ERBIN: variants seen among roughly 807,000 people sequenced by gnomAD.
The protein encoded by ERBIN is densin-180-like protein.
Under a neutral mutation model 158.4 loss-of-function variants are expected in ERBIN, and 60 were observed. That is an observed-to-expected ratio of 0.38 (90% CI 0.31 to 0.47). The LOEUF (loss-of-function observed/expected upper bound fraction) is 0.47. Among genes scored for constraint, ERBIN ranks in the 20% least tolerant of loss-of-function variants. The probability of loss-of-function intolerance (pLI) is 0.99; values close to 1 mark genes in which losing one functional copy is unlikely to be tolerated. For synonymous variants in ERBIN, 594 were observed against 557.2 expected (o/e 1.07, Z -0.93); for missense variants, 1,610 against 1,648.0 (o/e 0.98, Z 0.40).
At chr5:65,958,067 C>G (rs980305658) in intron 1 of ERBIN, among the ~76,000 whole-genome samples, 47 of 151,330 alleles carry the variant, frequency 3.1e-4, no homozygotes, top group Non-Finnish European at 5.9e-4. Flanking sequence ...CGATGGGCGG[C>G]AGGGCAGAGA....
rs374758790 is a variant in ERBIN at position 65,945,546 on chromosome 5, A to G, written c.-58+18740A>G. Reference sequence around the variant, plus strand: ...GTCCATGTTGCCTGCCGTATTTCAAACACTGCACCCTTTTCCTCCTCTCTC... The same window carrying G: ...GTCCATGTTGCCTGCCGTATTTCAAGCACTGCACCCTTTTCCTCCTCTCTC... On this transcript the variant is annotated intron_variant, in intron 1 of 25. Transcript: ENST00000284037. Among the ~76,000 whole-genome samples the G allele has an allele frequency of 9.2e-5, 14 of 152,290 alleles. No individual in the cohort carries two copies. In the South Asian group the frequency reaches 1.7e-3, roughly 18 times the overall value.
chr5:66,042,313 AT>A (rs1439780201), intron 15 of ERBIN, among the ~76,000 whole-genome samples: 1 of 152,018 alleles, frequency 6.6e-6, no homozygotes, highest in African/African-American at 2.4e-5. Flanking sequence ...AGCCTTATGT[AT>A]TTTTTAGATG....
intron 1 of ERBIN, among the ~76,000 whole-genome samples, chr5:65,964,379 A>C (rs1748288251): frequency 6.6e-6 from 1 of 152,176 alleles, no homozygotes; most frequent in South Asian, 2.1e-4. Flanking sequence ...ACAATATTGG[A>C]ATCACCTGGA....
intron 9 of ERBIN, 55 bp from the exon 10 acceptor site, chr5:66,024,239 ATTCCCTAAACTT>A (rs1471789110): frequency 9.1e-7 from 1 of 1,099,442 alleles, no homozygotes; most frequent in African/African-American, 1.6e-5. Flanking sequence ...TATCAAGTTT[ATTCCCTAAACTT>A]TTTACAAATT....
At chr5:65,926,989 T>G in intron 1 of ERBIN, among the ~76,000 whole-genome samples, 183 bp downstream of exon 1, 2 of 149,340 alleles carry the variant, frequency 1.3e-5, no homozygotes, top group South Asian at 2.2e-4. Flanking sequence ...GCGTCCCTTC[T>G]CCCCCCTGCC....
At chr5:65,937,684 G>T (rs1426166031) in intron 1 of ERBIN, among the ~76,000 whole-genome samples, 2 of 152,076 alleles carry the variant, frequency 1.3e-5, no homozygotes, top group Non-Finnish European at 1.5e-5. Flanking sequence ...CGAGGCGGGC[G>T]GATCACGAGG....
intron 2 of ERBIN, among the ~76,000 whole-genome samples, chr5:65,992,457 G>C (rs1751981149): frequency 6.6e-6 from 1 of 152,166 alleles, no homozygotes; most frequent in African/African-American, 2.4e-5. Context: ...TCAAAGCACA[G>C]TTTTTGAAGA....
rs1755115864 is a variant in ERBIN, at chr5:66,018,482, ATATATTATATT to A, written c.534-2839_534-2829del. Among the ~76,000 whole-genome samples, 9 of 13,468 alleles carry A rather than the reference ATATATTATATT, an allele frequency of 6.7e-4. 3 individuals are homozygous for A. The highest frequency in any genetic ancestry group is 3.2e-3 in the African/African-American group (8 of 2,492). The allele number at this position is 13,468 out of a possible 152,430, so 8.8% of individuals were successfully genotyped here. A position where few individuals can be genotyped will look rare whatever the true frequency, so the allele number is the denominator to read the frequency against. ...TATTATATAATATATATTATATATT[ATATATTATATT>A]ATATAATATATATTATATATTATAT... On this transcript the variant is annotated intron_variant, in intron 7 of 25. Transcript: ENST00000284037.
intron 1 of ERBIN, among the ~76,000 whole-genome samples, chr5:65,936,925 A>T (rs1328786671): frequency 1.3e-5 from 2 of 152,144 alleles, no homozygotes; most frequent in African/African-American, 4.8e-5. Context: ...ATATAAAATT[A>T]CCTGTATGCA....
chr5:65,956,978 T>A (rs936620860), intron 1 of ERBIN, among the ~76,000 whole-genome samples: 17 of 151,010 alleles, frequency 1.1e-4, no homozygotes, highest in African/African-American at 4.0e-4. Flanking sequence ...CATGCTGCTA[T>A]TTGTGTATGG....
chr5:65,955,717 A>G (rs190851289), intron 1 of ERBIN, among the ~76,000 whole-genome samples: 57 of 152,384 alleles, frequency 3.7e-4, no homozygotes, highest in Non-Finnish European at 7.5e-4. Context: ...TCTTCAGGTC[A>G]GTAAGTTGTT....
intron 1 of ERBIN, among the ~76,000 whole-genome samples, chr5:65,961,788 G>A (rs972314705): frequency 4.6e-5 from 7 of 152,032 alleles, no homozygotes; most frequent in African/African-American, 1.7e-4. Flanking sequence ...ATGAATTTTA[G>A]GTATCTTTGG....
chr5:65,959,356 G>C (rs1747659729), intron 1 of ERBIN, among the ~76,000 whole-genome samples: 1 of 151,906 alleles, frequency 6.6e-6, no homozygotes, highest in South Asian at 2.1e-4. Flanking sequence ...TTATTGATTT[G>C]GAAGAAGTAT....
At chr5:66,069,072 A>G in intron 21 of ERBIN, 1 of 1,401,328 alleles carries the variant, frequency 7.1e-7, no homozygotes, top group African/African-American at 1.5e-5. Flanking sequence ...AGAAAACCCC[A>G]AATTTTAAGT....
At chr5:66,061,601 T>G (rs1760354580) in intron 21 of ERBIN, among the ~76,000 whole-genome samples, 1 of 152,314 alleles carries the variant, frequency 6.6e-6, no homozygotes, top group Non-Finnish European at 1.5e-5. Context: ...GTTAGCTGGT[T>G]ATTTTGCTCA....
intron 1 of ERBIN, among the ~76,000 whole-genome samples, chr5:65,941,023 C>A (rs1416459879): frequency 6.6e-6 from 1 of 152,116 alleles, no homozygotes; most frequent in African/African-American, 2.4e-5. Flanking sequence ...CTACCCCCAA[C>A]CCTGTGCTCT....
chr5:65,940,966 GTACTAAGAAAAATTC>G (rs1744932210), intron 1 of ERBIN, among the ~76,000 whole-genome samples: 1 of 152,126 alleles, frequency 6.6e-6, no homozygotes, highest in East Asian at 1.9e-4. Flanking sequence ...ATTTTGTTCT[GTACTAAGAAAAATTC>G]TTCTGCCTTG....
At chr5:66,014,752 AACTT>A (rs1314055840) in intron 7 of ERBIN, 27 bp downstream of exon 7, 1 of 1,146,922 alleles carries the variant, frequency 8.7e-7, no homozygotes, top group African/African-American at 1.6e-5. Context: ...TTCTTTAAAA[AACTT>A]AATTTATAAT....
chr5:66,054,829 A>G lies in ERBIN; in HGVS notation c.3511A>G (p.Lys1171Glu), dbSNP rs751121524. The stretch of plus-strand genomic sequence containing the variant: ...CAATTATTCACGGACTAGTCCTTCA[A>G]AAAGACCAAATGCAAGGGTTGGTTC... ...DFNYSRTSPS[K>E]RPNARVGSEH... Residue 1171 changes from lysine (K) to glutamate (E), a missense_variant, in exon 21 of 26, where the codon AAA (lysine) becomes GAA (glutamate). Lys to Glu is a moderately conservative substitution (Grantham distance 56). Around this residue, in one of 2 missense-constraint regions of ERBIN, gnomAD observed 1,014 missense variants for 936.1 expected, o/e 1.08. Coordinates refer to ENST00000284037, the MANE Select transcript of ERBIN (RefSeq NM_001253697.2). 2.7e-5 allele frequency: 43 copies of G among 1,614,040 alleles called. No homozygotes were observed. Among genetic ancestry groups the G allele is most frequent in the Non-Finnish European group, 3.1e-5 (37 of 1,180,010 alleles).
Sources: allele counts gnomAD v4.1 joint callset (sites outside exome capture counted in the v4.1 genomes callset), GRCh38; gene constraint gnomAD v4.1.1; regional missense constraint gnomAD v4.1.1; transcripts MANE v1.5; gene names NCBI Gene and HGNC (gene_info 2026-07-23, HGNC 2026-07-21).